Variants in ASIC2 observed in about 807,000 individuals in gnomAD.
The protein encoded by ASIC2 is acid-sensing ion channel 2.
ASIC2 carries 25 observed loss-of-function variants against 57.3 expected under a neutral mutation model. The ratio of observed to expected loss-of-function variants is 0.44; its 90% CI spans 0.32 to 0.61. ASIC2 has a LOEUF of 0.61. Ranked by LOEUF, ASIC2 falls within the 20% of genes least tolerant of loss-of-function variation. The probability of loss-of-function intolerance (pLI) is 0.06; values close to 1 mark genes in which losing one functional copy is unlikely to be tolerated. For synonymous variants in ASIC2, 319 were observed against 307.5 expected (o/e 1.04, Z -0.39); for missense variants, 641 against 738.1 (o/e 0.87, Z 1.52).
At chr17:34,033,367 G>A (rs942087350) in intron 1 of ASIC2, among the ~76,000 whole-genome samples, 1 of 152,120 alleles carries the variant, frequency 6.6e-6, no homozygotes, top group Non-Finnish European at 1.5e-5. Flanking sequence ...TCAAAGCAGT[G>A]TGTAGAGGGA....
intron 1 of ASIC2, among the ~76,000 whole-genome samples, chr17:34,043,111 A>G (rs1392824176): frequency 6.6e-6 from 1 of 152,208 alleles, no homozygotes; most frequent in Non-Finnish European, 1.5e-5. Flanking sequence ...GTTAGAAATT[A>G]AGAGAGCATT....
At chr17:33,470,296 A>G (rs1913005426) in intron 1 of ASIC2, among the ~76,000 whole-genome samples, 1 of 152,166 alleles carries the variant, frequency 6.6e-6, no homozygotes, top group Admixed American at 6.5e-5. Context: ...CACCAAGGAA[A>G]CATGTAATTT....
chr17:33,753,969 CG>C (rs1195381095), intron 1 of ASIC2, among the ~76,000 whole-genome samples: 18 of 152,166 alleles, frequency 1.2e-4, no homozygotes, highest in African/African-American at 4.3e-4. Context: ...CTGCAGCTGC[CG>C]GAAGAGAGCG....
chr17:34,112,872 C>T (rs1911317640), intron 1 of ASIC2, among the ~76,000 whole-genome samples: 2 of 152,170 alleles, frequency 1.3e-5, no homozygotes. Context: ...ATTAATGTTA[C>T]TTCATGGTCT....
chr17:33,239,473 C>T (rs1473940928), intron 1 of ASIC2, among the ~76,000 whole-genome samples: 1 of 152,174 alleles, frequency 6.6e-6, no homozygotes, highest in Non-Finnish European at 1.5e-5. Flanking sequence ...CTCCTTATGG[C>T]TTAAGTGAAA....
At chr17:33,078,594 A>G (rs1460765466) in intron 3 of ASIC2, among the ~76,000 whole-genome samples, 1 of 152,158 alleles carries the variant, frequency 6.6e-6, no homozygotes, top group Non-Finnish European at 1.5e-5. Context: ...GACAAATAAT[A>G]GCTCTTTTAG....
Position 34,107,345 on chromosome 17 carries a change from T to TA in ASIC2, c.555+48632dup, listed in dbSNP as rs57916766. ...GGCAAAACCCCATCTCAACTAAAAA[T>TA]AAAAAAATAAAAAATTAGCTAGGGG... On this transcript the variant is annotated intron_variant, in intron 1 of 9. Coordinates refer to the ASIC2 transcript ENST00000359872. Among the ~76,000 whole-genome samples, 882 of 151,782 alleles carry TA rather than the reference T, an allele frequency of 5.8e-3. 10 individuals carry two copies. Among genetic ancestry groups the TA allele is most frequent in the African/African-American group, 0.02 (835 of 41,386 alleles).
chr17:34,126,765 G>A (rs1382411594), intron 1 of ASIC2, among the ~76,000 whole-genome samples: 3 of 152,136 alleles, frequency 2.0e-5, no homozygotes. Context: ...AATTTAGTGG[G>A]CACATGAGTC....
At chr17:33,326,105 C>T (rs749888459) in intron 1 of ASIC2, among the ~76,000 whole-genome samples, 1 of 152,212 alleles carries the variant, frequency 6.6e-6, no homozygotes, top group African/African-American at 2.4e-5. Flanking sequence ...GGCAGCAAGA[C>T]ATTTTTTGGT....
chr17:33,734,503 G>A (rs1302013055), intron 1 of ASIC2, among the ~76,000 whole-genome samples: 1 of 152,180 alleles, frequency 6.6e-6, no homozygotes, highest in Non-Finnish European at 1.5e-5. Flanking sequence ...ACTGTTTACA[G>A]AGAAGCTGTC....
At chr17:33,115,590 C>T (rs1477803367) in intron 1 of ASIC2, among the ~76,000 whole-genome samples, 2 of 152,188 alleles carry the variant, frequency 1.3e-5, no homozygotes, top group African/African-American at 4.8e-5. Context: ...CGCGCTTTGC[C>T]TGGCCAGCTC....
At chr17:34,133,035 A>G (rs577792147) in intron 1 of ASIC2, among the ~76,000 whole-genome samples, 7 of 152,190 alleles carry the variant, frequency 4.6e-5, no homozygotes, top group Non-Finnish European at 1.0e-4. Flanking sequence ...AACTGAGATG[A>G]TATATGTAAA....
At chr17:33,686,977 T>A (rs1278569525) in intron 1 of ASIC2, among the ~76,000 whole-genome samples, 1 of 152,168 alleles carries the variant, frequency 6.6e-6, no homozygotes, top group Non-Finnish European at 1.5e-5. Context: ...AGGCCATGAA[T>A]GACCAAGGGA....
chr17:33,383,125 G>C (rs1028421170), intron 1 of ASIC2, among the ~76,000 whole-genome samples: 1 of 152,192 alleles, frequency 6.6e-6, no homozygotes, highest in Non-Finnish European at 1.5e-5. Flanking sequence ...CAGCTTTTCT[G>C]TGAAAAATTT....
chr17:33,095,933 C>T (rs1221367120), intron 2 of ASIC2, among the ~76,000 whole-genome samples: 1 of 152,210 alleles, frequency 6.6e-6, no homozygotes, highest in African/African-American at 2.4e-5. Context: ...GTCACCCAGG[C>T]ATGGGGAGGG....
intron 1 of ASIC2, among the ~76,000 whole-genome samples, chr17:33,117,942 T>C (rs560759643): frequency 6.6e-6 from 1 of 152,192 alleles, no homozygotes; most frequent in East Asian, 1.9e-4. Context: ...CTTAAAGTAG[T>C]TAGAGGGGAA....
At chr17:33,128,064 C>A (rs2092330999) in intron 1 of ASIC2, among the ~76,000 whole-genome samples, 1 of 152,204 alleles carries the variant, frequency 6.6e-6, no homozygotes, top group African/African-American at 2.4e-5. Context: ...CATGTCCCTG[C>A]CTTCATTGAG....
chr17:33,342,971 G>C (rs17836780), intron 1 of ASIC2, among the ~76,000 whole-genome samples: 33,691 of 152,160 alleles, frequency 0.22, 3,917 homozygotes, highest in East Asian at 0.39. Context: ...CACATCCAAG[G>C]GGCATATGTG....
chr17:33,742,819 G>A (rs1238614317), intron 1 of ASIC2, among the ~76,000 whole-genome samples: 1 of 152,174 alleles, frequency 6.6e-6, no homozygotes, highest in Non-Finnish European at 1.5e-5. Context: ...TCACGTCCCT[G>A]GCACACGCAC....
Sources: gnomAD v4.1 joint callset for allele counts (sites outside exome capture counted in the v4.1 genomes callset) on GRCh38, gnomAD v4.1.1 for gene constraint, MANE v1.5 for transcripts, NCBI Gene and HGNC (gene_info 2026-07-23, HGNC 2026-07-21) for gene names.